Variants in KCNC3 observed in about 807,000 individuals in gnomAD.
KCNC3 encodes the protein potassium voltage-gated channel subfamily C member 3, also known as voltage-gated potassium channel KCNC3.
Under a neutral mutation model 43.9 loss-of-function variants are expected in KCNC3, and 22 were observed. The observed-to-expected ratio is 0.50, with a 90% CI of 0.36 to 0.72. The LOEUF is 0.72. KCNC3 is among the 30% of genes least tolerant of loss of function. The pLI is 0.00. For missense variants in KCNC3, 829 were observed against 1,073.8 expected (o/e 0.77, Z 3.19); for synonymous variants, 492 against 488.0 (o/e 1.01, Z -0.11).
At chr19:50,322,576 T>C (rs991443780) in intron 2 of KCNC3, among the ~76,000 whole-genome samples, 6 of 152,156 alleles carry the variant, frequency 3.9e-5, no homozygotes, top group Admixed American at 3.9e-4. Flanking sequence ...TCAGTCTCTC[T>C]TCCCTCAGGG....
intron 4 of KCNC3, among the ~76,000 whole-genome samples, chr19:50,316,935 T>G (rs1467556734): frequency 6.6e-6 from 1 of 151,886 alleles, no homozygotes; most frequent in Non-Finnish European, 1.5e-5. Context: ...GCCAACCCCA[T>G]CAGCTCCAGC....
Position 50,320,325 on chromosome 19 carries a change from G to T in KCNC3, c.2195C>A (p.Pro732His). Residue 732 changes from proline to histidine, a missense_variant, in exon 4 of 5, where the codon CCC (proline) becomes CAC (histidine). Physicochemically the swap from Pro to His is moderately conservative, Grantham distance 77. Transcript: ENST00000477616. ...GGGGCCTGGCTTACGCCAGTCTTGG[G>T]GGGGCAGTGGGGGAGCACCAGTGGC... ...RKATGAPPLP[P>H]QDWRKPGPPS... 1 of 425,484 alleles carries T rather than the reference G, an allele frequency of 2.4e-6. No homozygotes were observed. The highest frequency in any genetic ancestry group is 4.1e-6 in the Non-Finnish European group (1 of 243,168). The allele number at this position is 425,484 out of a possible 1,614,324, so 26.4% of individuals were successfully genotyped here.
Position 50,314,646 on chromosome 19 carries a change from G to A in KCNC3, c.*1469C>T. On this transcript the variant is annotated 3_prime_UTR_variant, in exon 5 of 5. Coordinates refer to ENST00000477616, the MANE Select transcript of KCNC3 (RefSeq NM_004977.3). ...TTTTTGGGGAGGGAAGAGTTGGGGG[G>A]ACGGGCTGTGGCCCCTCTCTCCATC... The A allele has an allele frequency of 5.7e-6, 2 of 350,866 alleles. No individual in the cohort carries two copies. Among genetic ancestry groups the A allele is most frequent in the Non-Finnish European group, 1.1e-5 (2 of 183,708 alleles). 21.7% of individuals were successfully genotyped at this position (350,866 alleles called of 1,614,324 possible).
chr19:50,321,670 T>C (rs1254309324), intron 2 of KCNC3, among the ~76,000 whole-genome samples: 1 of 151,832 alleles, frequency 6.6e-6, no homozygotes, highest in Non-Finnish European at 1.5e-5. Context: ...CTCCGGAGGC[T>C]GAGGTAGGTG....
upstream of KCNC3, among the ~76,000 whole-genome samples, chr19:50,330,835 GC>G (rs896211433): frequency 6.6e-6 from 1 of 152,106 alleles, no homozygotes; most frequent in African/African-American, 2.4e-5. Flanking sequence ...GGCCGTCCCC[GC>G]CCCCTGGGCG....
upstream of KCNC3, among the ~76,000 whole-genome samples, chr19:50,331,402 A>C (rs2037187479): frequency 6.7e-6 from 1 of 149,624 alleles, no homozygotes; most frequent in African/African-American, 2.5e-5. Flanking sequence ...CCTCCCCGCA[A>C]CCCGCTTTGT....
chr19:50,318,991 CAAAAAAAAA>C (rs11326559), intron 4 of KCNC3, among the ~76,000 whole-genome samples: 3 of 71,458 alleles, frequency 4.2e-5, no homozygotes, highest in Non-Finnish European at 7.2e-5. Flanking sequence ...AAGACAGTCT[CAAAAAAAAA>C]AAAAAAAAAA....
In KCNC3 at chr19:50,324,816, C is replaced by G. The variant is rs73070526; in HGVS notation, c.871-734G>C. Among the ~76,000 whole-genome samples, 4,574 of 152,070 alleles carry G rather than the reference C, an allele frequency of 0.03. 104 individuals are homozygous for G. Among genetic ancestry groups the G allele is most frequent in the African/African-American group, 0.036 (1,496 of 41,436 alleles). ...GTTAGTTGGGGGGCAAGGTCAAGGCCTCACCCAGAGAGGACAGGGCAGTGG... is the reference window on the plus strand; with the variant it reads ...GTTAGTTGGGGGGCAAGGTCAAGGCGTCACCCAGAGAGGACAGGGCAGTGG... On this transcript the variant is annotated intron_variant, in intron 1 of 4. Transcript: ENST00000477616. This position sits in a 1 kb window ranked among gnomAD's most constrained non-coding sequence, Gnocchi z 4.1.
rs757630847 is a variant in KCNC3 at position 50,320,577 on chromosome 19, AGG to A, written c.2170+14_2170+15del. 1 of 1,603,742 alleles carries A rather than the reference AGG, an allele frequency of 6.2e-7. No individual in the cohort carries two copies. Among genetic ancestry groups the A allele is most frequent in the African/African-American group, 1.4e-5 (1 of 73,878 alleles). ...AGAGGGAGGGTCCCAGGGGATCAGT[AGG>A]GGGGGCACCTCACCTTTTCGGATGG... On this transcript the variant is annotated intron_variant, in intron 3 of 4. Transcript: ENST00000477616.
Position 50,328,892 on chromosome 19 carries a change from CG to C in KCNC3, c.190del (p.Arg64GlyfsTer28). The C allele has an allele frequency of 1.0e-6, 1 of 998,906 alleles. No individual in the cohort carries two copies. The highest frequency in any genetic ancestry group is 4.6e-5 in the South Asian group (1 of 21,760). 61.9% of individuals were successfully genotyped at this position (998,906 alleles called of 1,614,324 possible). The stretch of plus-strand genomic sequence containing the variant: ...CAGCCCGGGGCATGGCTCGGCGCGC[CG>C]GTCCCCGGGCCCGCGGGGTGCCGGG... ...GPPAPRGPGD[R>X]RAEPCPGLPA... is the part of the protein sequence containing the mutation. On this transcript the variant is annotated frameshift_variant, in exon 1 of 5. Coordinates refer to ENST00000477616, the MANE Select transcript of KCNC3 (RefSeq NM_004977.3). LOFTEE classifies it high-confidence loss of function.
chr19:50,324,305 G>A lies in KCNC3; in HGVS notation c.871-223C>T, dbSNP rs2037075772. 6.6e-6 allele frequency among the ~76,000 whole-genome samples: 1 copy of A among 152,238 alleles called. No individual in the cohort carries two copies. Reference sequence around the variant, plus strand: ...GAAAGGAACAGAGGCAGTTGGAGAAGAGCTGGCCCCAGCAGACGCAGCAGA... The same window carrying A: ...GAAAGGAACAGAGGCAGTTGGAGAAAAGCTGGCCCCAGCAGACGCAGCAGA... On this transcript the variant is annotated intron_variant, in intron 1 of 4. Transcript: ENST00000477616. The surrounding 1 kb of genome is among the most constrained non-coding windows in gnomAD (Gnocchi z 4.1).
chr19:50,325,395 T>C (rs576405391), intron 1 of KCNC3, among the ~76,000 whole-genome samples: 4 of 151,374 alleles, frequency 2.6e-5, no homozygotes, highest in Admixed American at 6.6e-5. Flanking sequence ...AGAGAGGACC[T>C]TGGACTTTGG....
chr19:50,323,024 G>A lies in KCNC3; in HGVS notation c.1929C>T (p.Gly643=), dbSNP rs111744086. ...CCTCCTGAGCCAACGGGCAAGGCTC[G>A]CCGGGGGCTGGCAGAGGAGGCAGCC... ...IMGLPPLPAP[G]EPCPLAQEEV... Residue 643 remains glycine, a synonymous_variant, in exon 2 of 5, where the codon GGC becomes GGT. Coordinates refer to ENST00000477616, the MANE Select transcript of KCNC3 (RefSeq NM_004977.3). 0.011 allele frequency: 16,748 copies of A among 1,545,834 alleles called. 131 individuals are homozygous for A. The highest frequency in any genetic ancestry group is 0.023 in the African/African-American group (1,704 of 73,084).
rs554197864 is a variant in KCNC3, at chr19:50,323,193, G to A, written c.1760C>T (p.Pro587Leu). 3.8e-4 allele frequency: 576 copies of A among 1,523,210 alleles called. No homozygotes were observed. The highest frequency in any genetic ancestry group is 4.7e-4 in the Non-Finnish European group (532 of 1,135,862). 94.4% of individuals were successfully genotyped at this position (1,523,210 alleles called of 1,614,324 possible). Reference protein sequence around the residue: ...PDPPPPPPPHPHHGSGGISPP... With the variant: ...PDPPPPPPPHLHHGSGGISPP... ...GCTGATGCCCCCGCTGCCGTGGTGC[G>A]GGTGGGGCGGGGGTGGCGGGGGTGG... The change falls in exon 2 of 5, where the codon CCG becomes CTG. Residue 587 changes from proline to leucine, a missense_variant. Pro to Leu is a moderately conservative substitution (Grantham distance 98). This residue lies in a region of KCNC3 where 308 missense variants were observed against 276.2 expected (regional missense o/e 1.11). Coordinates refer to ENST00000477616, the MANE Select transcript of KCNC3 (RefSeq NM_004977.3).
At chr19:50,322,141 C>T (rs954821851) in intron 2 of KCNC3, among the ~76,000 whole-genome samples, 6 of 149,740 alleles carry the variant, frequency 4.0e-5, no homozygotes, top group African/African-American at 1.5e-4. Flanking sequence ...CTACTTAAGG[C>T]GGGGCAGTGC....
intron 4 of KCNC3, among the ~76,000 whole-genome samples, chr19:50,317,370 G>T (rs1157711211): frequency 6.6e-6 from 1 of 152,106 alleles, no homozygotes. Flanking sequence ...AAACACAGGG[G>T]TTTAGGTGAG....
At chr19:50,320,880 G>T in intron 2 of KCNC3, 96 bp from the exon 3 acceptor site, 1 of 1,210,142 alleles carries the variant, frequency 8.3e-7, no homozygotes, top group Non-Finnish European at 1.2e-6. Flanking sequence ...CAGATGCTGG[G>T]ATGGTCGGCG....
At chr19:50,332,088 C>T (rs916547048), upstream of KCNC3, among the ~76,000 whole-genome samples, 2 of 152,198 alleles carry the variant, frequency 1.3e-5, no homozygotes, top group Non-Finnish European at 2.9e-5. This position sits in a 1 kb window ranked among gnomAD's most constrained non-coding sequence, Gnocchi z 5.8. Context: ...CTTCCTACCC[C>T]TTCCCCGAAT....
Position 50,328,832 on chromosome 19 carries a change from C to T in KCNC3, c.251G>A (p.Gly84Asp). ...GATCACGATCTTGCCGCTGTCGCCA[C>T]CGCCGCCGCCGTGCCGCCCCATGGC... is the stretch of plus-strand genomic sequence containing the variant. ...AAAMGRHGGG[G>D]GDSGKIVINV... Residue 84 changes from glycine (G) to aspartate (D), a missense_variant, in exon 1 of 5, where the codon GGT becomes GAT. By Grantham distance (94) the Gly-to-Asp change is moderately conservative (BLOSUM62 -1). This residue lies in a region of KCNC3 where 121 missense variants were observed against 247.4 expected (regional missense o/e 0.49). Coordinates refer to ENST00000477616, the MANE Select transcript of KCNC3 (RefSeq NM_004977.3). 2 of 1,488,296 alleles carry T rather than the reference C, an allele frequency of 1.3e-6. No homozygotes were observed. Among genetic ancestry groups the T allele is most frequent in the Non-Finnish European group, 1.8e-6 (2 of 1,123,806 alleles). 92.2% of individuals were successfully genotyped at this position (1,488,296 alleles called of 1,614,324 possible). A position where few individuals can be genotyped will look rare whatever the true frequency, so the allele number is the denominator to read the frequency against.
Sources: gnomAD v4.1 joint callset for allele counts (sites outside exome capture counted in the v4.1 genomes callset) on GRCh38, gnomAD v4.1.1 for gene constraint, gnomAD v4.1.1 regional missense constraint, Gnocchi (gnomAD v3.1) non-coding constraint, MANE v1.5 for transcripts, NCBI Gene and HGNC (gene_info 2026-07-23, HGNC 2026-07-21) for gene names.